The following LHFPL4 variants were observed in gnomAD, a reference collection of about 807,000 sequenced individuals.
LHFPL4 encodes LHFPL tetraspan subfamily member 4, also known as LHFPL tetraspan subfamily member 4 protein.
A neutral mutation model predicts 20.0 loss-of-function variants in LHFPL4; 6 were observed. The observed-to-expected ratio is 0.30, with a 90% CI of 0.16 to 0.59. LHFPL4 has a LOEUF of 0.59. Ranked by LOEUF, LHFPL4 falls within the 20% of genes least tolerant of loss-of-function variation. The pLI is 0.88. For missense variants in LHFPL4, 215 were observed against 331.2 expected (o/e 0.65, Z 2.72); for synonymous variants, 129 against 143.8 (o/e 0.90, Z 0.74).
intron 2 of LHFPL4, among the ~76,000 whole-genome samples, chr3:9,538,862 C>A (rs13088212): frequency 6.6e-6 from 1 of 152,140 alleles, no homozygotes; most frequent in South Asian, 2.1e-4. Flanking sequence ...CCACGCCCGG[C>A]TAATTTTTTG....
chr3:9,500,214 C>G lies in LHFPL4; in HGVS notation c.*1997G>C, dbSNP rs1242529334. The G allele has an allele frequency of 6.6e-6, 1 of 152,538 alleles. No individual in the cohort carries two copies. The highest frequency in any genetic ancestry group is 2.4e-5 in the African/African-American group (1 of 41,440). 9.4% of individuals were successfully genotyped at this position (152,538 alleles called of 1,614,324 possible). The stretch of plus-strand genomic sequence containing the variant: ...CACTCTCTCCTAACTCTGCTCTCCC[C>G]CTCCAACGCTGGGCTTGGTTTGCAT... On this transcript the variant is annotated 3_prime_UTR_variant, in exon 4 of 4. Transcript: ENST00000287585.
chr3:9,516,466 C>T (rs1161220938), intron 2 of LHFPL4, among the ~76,000 whole-genome samples: 2 of 151,844 alleles, frequency 1.3e-5, no homozygotes, highest in Admixed American at 6.6e-5. Flanking sequence ...ACCAGTACCA[C>T]ACTGTCTTTT....
intron 2 of LHFPL4, among the ~76,000 whole-genome samples, chr3:9,525,716 TG>T (rs1264882965): frequency 1.3e-5 from 2 of 152,196 alleles, no homozygotes; most frequent in African/African-American, 4.8e-5. Flanking sequence ...CAACGTCATC[TG>T]AAAAAAAGCA....
At chr3:9,527,686 A>C (rs900421577) in intron 2 of LHFPL4, among the ~76,000 whole-genome samples, 1 of 152,182 alleles carries the variant, frequency 6.6e-6, no homozygotes, top group Non-Finnish European at 1.5e-5. Flanking sequence ...CAGCCTGGGC[A>C]ACAGAGCCAG....
intron 3 of LHFPL4, among the ~76,000 whole-genome samples, chr3:9,504,125 C>A (rs954426772): frequency 6.6e-6 from 1 of 152,124 alleles, no homozygotes; most frequent in Non-Finnish European, 1.5e-5. Context: ...AATCCCAACA[C>A]TTTGGGAAGC....
Position 9,501,930 on chromosome 3 carries a change from G to T in LHFPL4, c.*281C>A. On this transcript the variant is annotated 3_prime_UTR_variant, in exon 4 of 4. Transcript: ENST00000287585. ...CTGCAGGGACCTCCAGGCCAGTCTA[G>T]AGAGGAGAGGAGAAGCCCAAGGGCC... 2.2e-6 allele frequency: 1 copy of T among 447,550 alleles called. No individual in the cohort carries two copies. 27.7% of individuals were successfully genotyped at this position (447,550 alleles called of 1,614,324 possible).
chr3:9,512,321 C>T (rs1040774560), intron 2 of LHFPL4, among the ~76,000 whole-genome samples: 8 of 152,278 alleles, frequency 5.3e-5, no homozygotes, highest in African/African-American at 1.9e-4. Context: ...CAACCCATTT[C>T]GTAGAGCTTC....
At chr3:9,512,054 T>C (rs1306840128) in intron 2 of LHFPL4, among the ~76,000 whole-genome samples, 2 of 152,106 alleles carry the variant, frequency 1.3e-5, no homozygotes, top group Non-Finnish European at 2.9e-5. Context: ...TTCCTCAGCC[T>C]GCCGAATAGC....
intron 2 of LHFPL4, among the ~76,000 whole-genome samples, chr3:9,514,258 C>T (rs540105293): frequency 1.4e-3 from 212 of 152,254 alleles, no homozygotes; most frequent in Middle Eastern, 6.8e-3. Context: ...CATAGCAAGA[C>T]TCTTGTTTCC....
At chr3:9,527,809 A>AACACACACACACACACACACAC (rs58489008) in intron 2 of LHFPL4, among the ~76,000 whole-genome samples, 2 of 143,182 alleles carry the variant, frequency 1.4e-5, no homozygotes, top group African/African-American at 5.2e-5. Flanking sequence ...TTCAAATACA[A>AACACACACACACACACACACAC]ACACACACAC....
chr3:9,505,131 G>A (rs1056207283), intron 3 of LHFPL4, among the ~76,000 whole-genome samples: 6 of 152,286 alleles, frequency 3.9e-5, no homozygotes, highest in South Asian at 4.1e-4. Context: ...AGCCACCAGC[G>A]CCCTTGAACG....
At chr3:9,547,860 C>CA (rs2046526166) in intron 2 of LHFPL4, among the ~76,000 whole-genome samples, 1 of 152,112 alleles carries the variant, frequency 6.6e-6, no homozygotes, top group African/African-American at 2.4e-5. Flanking sequence ...GGCTGGAGTG[C>CA]AGTGGCATGA....
In LHFPL4 at chr3:9,506,078, T is replaced by C; in HGVS notation, c.532A>G (p.Ile178Val). 1.2e-6 allele frequency: 2 copies of C among 1,614,118 alleles called. No individual in the cohort carries two copies. The highest frequency in any genetic ancestry group is 1.7e-6 in the Non-Finnish European group (2 of 1,180,002). The change falls in exon 3 of 4, where the codon ATC (isoleucine) becomes GTC (valine). Residue 178 changes from isoleucine (I) to valine (V), a missense_variant. This residue lies in a region of LHFPL4 where 164 missense variants were observed against 286.7 expected (regional missense o/e 0.57). Coordinates refer to ENST00000287585, the MANE Select transcript of LHFPL4 (RefSeq NM_198560.3). This position sits in a 1 kb window ranked among gnomAD's most constrained non-coding sequence, Gnocchi z 4.5. ...TTGAGGATGCCGATGATGGCCAGGA[T>C]GTATGCCCAGCGCACTGAACAGTCC... is the stretch of plus-strand genomic sequence containing the variant. Reference protein sequence around the residue: ...LGDCSVRWAYILAIIGILNAL... With the variant: ...LGDCSVRWAYVLAIIGILNAL...
At chr3:9,537,057 G>A (rs2046448421) in intron 2 of LHFPL4, among the ~76,000 whole-genome samples, 1 of 152,114 alleles carries the variant, frequency 6.6e-6, no homozygotes, top group Admixed American at 6.6e-5. Flanking sequence ...CTGTACTGCA[G>A]CCTGGGCAAC....
chr3:9,548,009 T>C (rs1395921658), intron 2 of LHFPL4, among the ~76,000 whole-genome samples: 1 of 152,142 alleles, frequency 6.6e-6, no homozygotes, highest in Non-Finnish European at 1.5e-5. Flanking sequence ...TTTCACCATG[T>C]TGCCCAGGCT....
At chr3:9,536,936 T>A (rs1333693686) in intron 2 of LHFPL4, among the ~76,000 whole-genome samples, 3 of 147,418 alleles carry the variant, frequency 2.0e-5, no homozygotes, top group South Asian at 2.2e-4. Flanking sequence ...AAAAAAAAAA[T>A]TCAGCCGGGT....
intron 2 of LHFPL4, among the ~76,000 whole-genome samples, chr3:9,549,332 A>G (rs1157465642): frequency 6.6e-6 from 1 of 152,190 alleles, no homozygotes; most frequent in East Asian, 1.9e-4. Flanking sequence ...AAAAGAATAA[A>G]TATCTTTTTG....
At chr3:9,508,411 G>A (rs969357600) in intron 2 of LHFPL4, among the ~76,000 whole-genome samples, 5 of 152,210 alleles carry the variant, frequency 3.3e-5, no homozygotes, top group African/African-American at 1.2e-4. Context: ...TAAGGGCTGG[G>A]AAAAGAGTTG....
At chr3:9,545,017 A>G (rs1216170104) in intron 2 of LHFPL4, among the ~76,000 whole-genome samples, 1 of 152,108 alleles carries the variant, frequency 6.6e-6, no homozygotes, top group East Asian at 1.9e-4. Context: ...GGGAGCAAGG[A>G]TTCTTACTCA....
Sources: allele counts gnomAD v4.1 joint callset (sites outside exome capture counted in the v4.1 genomes callset), GRCh38; gene constraint gnomAD v4.1.1; regional missense constraint gnomAD v4.1.1; non-coding constraint Gnocchi (gnomAD v3.1); transcripts MANE v1.5; gene names NCBI Gene and HGNC (gene_info 2026-07-23, HGNC 2026-07-21).